ALX3: variants seen among roughly 807,000 people sequenced by gnomAD.
ALX3 encodes ALX homeobox 3.
ALX3 carries 17 observed loss-of-function variants against 26.3 expected under a neutral mutation model. The observed-to-expected ratio is 0.65, with a 90% CI of 0.44 to 0.97. ALX3 has a LOEUF of 0.97. Ranked by LOEUF, ALX3 falls within the 50% of genes least tolerant of loss-of-function variation. The pLI is 0.00. For missense variants in ALX3, 461 were observed against 466.5 expected (o/e 0.99, Z 0.11); for synonymous variants, 208 against 201.4 (o/e 1.03, Z -0.28).
chr1:110,061,161 T>C (rs1446548378), intron 3 of ALX3, 120 bp from the exon 4 acceptor site: 1 of 1,227,358 alleles, frequency 8.1e-7, no homozygotes, highest in African/African-American at 1.5e-5. Context: ...TCCACTTGGC[T>C]CAGATCTACC....
intron 1 of ALX3, 22 bp from the exon 2 acceptor site, chr1:110,064,925 G>A (rs1192730510): frequency 6.3e-7 from 1 of 1,583,110 alleles, no homozygotes; most frequent in Non-Finnish European, 8.6e-7. Flanking sequence ...AACACAAAAG[G>A]GAGGATGGCA....
intron 3 of ALX3, 25 bp from the exon 4 acceptor site, chr1:110,061,066 C>T (rs1300724924): frequency 6.3e-7 from 1 of 1,588,352 alleles, no homozygotes; most frequent in South Asian, 1.1e-5. Context: ...AAAGAAGGCC[C>T]ATGAGCCTGT....
At chr1:110,066,780 G>T (rs935358456) in intron 1 of ALX3, among the ~76,000 whole-genome samples, 3 of 152,144 alleles carry the variant, frequency 2.0e-5, no homozygotes, top group Non-Finnish European at 2.9e-5. Flanking sequence ...GCCCTCCAAA[G>T]CCCTGGGGCT....
intron 1 of ALX3, among the ~76,000 whole-genome samples, chr1:110,066,907 A>T (rs1653805067): frequency 6.6e-6 from 1 of 152,172 alleles, no homozygotes; most frequent in African/African-American, 2.4e-5. Flanking sequence ...CAAGGGATGA[A>T]AGTGCAGTAG....
chr1:110,070,509 G>C lies in ALX3; in HGVS notation c.104C>G (p.Ala35Gly). The C allele has an allele frequency of 7.8e-7, 1 of 1,282,532 alleles. No individual in the cohort carries two copies. Among genetic ancestry groups the C allele is most frequent in the East Asian group, 3.2e-5 (1 of 31,612 alleles). 79.4% of individuals were successfully genotyped at this position (1,282,532 alleles called of 1,614,324 possible). ...GGGCGGCGCGGGGTGCAGGTGAGGC[G>C]CAGCGGCGGGGGTTCCCTGCGGGCC... ...PPGPQGTPAA[A>G]PHLHPAPPRG... The change falls in exon 1 of 4, where the codon GCG (alanine) becomes GGG (glycine). Residue 35 changes from alanine (A) to glycine (G), a missense_variant. This residue lies in a region of ALX3 where 241 missense variants were observed against 206.1 expected (regional missense o/e 1.17). Transcript: ENST00000647563.
rs772440892 is a variant in ALX3 at position 110,060,937 on chromosome 1, G to A, written c.828C>T (p.His276=). 6.2e-7 allele frequency: 1 copy of A among 1,613,228 alleles called. No individual in the cohort carries two copies. Among genetic ancestry groups the A allele is most frequent in the Admixed American group, 1.7e-5 (1 of 59,950 alleles). ...TGAAGCCAGCCACACTCCCATGGGG[G>A]TGGGAATATGGAGACATGCATGGGG... is the stretch of plus-strand genomic sequence containing the variant. The part of the protein sequence containing the change: ...IPSPCMSPYS[H]PHGSVAGFMG... The change falls in exon 4 of 4, where the codon CAC becomes CAT. Residue 276 remains histidine, a synonymous_variant. Transcript: ENST00000647563.
intron 1 of ALX3, 116 bp downstream of exon 1, chr1:110,070,220 G>T: frequency 8.6e-7 from 1 of 1,166,838 alleles, no homozygotes; most frequent in Non-Finnish European, 1.1e-6. Flanking sequence ...GGCGAGAGGG[G>T]CAAAAAGTTG....
chr1:110,064,533 T>C, intron 2 of ALX3, 54 bp downstream of exon 2: 1 of 1,601,320 alleles, frequency 6.2e-7, no homozygotes, highest in Non-Finnish European at 8.5e-7. Flanking sequence ...GATCACTTTC[T>C]GGTCACTGTG....
At chr1:110,062,982 C>T (rs933792372) in intron 2 of ALX3, among the ~76,000 whole-genome samples, 1 of 152,186 alleles carries the variant, frequency 6.6e-6, no homozygotes, top group Non-Finnish European at 1.5e-5. Context: ...TCTGGACCTG[C>T]CCTCTGCATT....
intron 1 of ALX3, among the ~76,000 whole-genome samples, chr1:110,066,349 G>A (rs1200393160): frequency 1.3e-5 from 2 of 152,216 alleles, no homozygotes; most frequent in Non-Finnish European, 2.9e-5. Flanking sequence ...ACACAGGCCT[G>A]TACACAGGTA....
At position 110,069,021 on chromosome 1, in the gene ALX3, C is replaced by G. The variant is rs555287413; in HGVS notation, c.277+1315G>C. ...CGGGCCTGGGGGGGTGGCTCCTGCCCGACGCGGAGCGCTGAGCCAGGCCGG... is the reference window on the plus strand; with the variant it reads ...CGGGCCTGGGGGGGTGGCTCCTGCCGGACGCGGAGCGCTGAGCCAGGCCGG... On this transcript the variant is annotated intron_variant, in intron 1 of 3. Coordinates refer to ENST00000647563, the MANE Select transcript of ALX3 (RefSeq NM_006492.3). Among the ~76,000 whole-genome samples, 10 of 152,314 alleles carry G rather than the reference C, an allele frequency of 6.6e-5. No individual in the cohort carries two copies. The South Asian group carries it at 1.7e-3, about 25-fold the overall frequency.
chr1:110,064,548 A>T, intron 2 of ALX3, 39 bp downstream of exon 2: 1 of 1,609,682 alleles, frequency 6.2e-7, no homozygotes, highest in South Asian at 1.1e-5. Flanking sequence ...ACTGTGTGAT[A>T]GGGGCAGCCA....
intron 1 of ALX3, among the ~76,000 whole-genome samples, chr1:110,067,614 A>G (rs2101799024): frequency 6.6e-6 from 1 of 152,262 alleles, no homozygotes; most frequent in Middle Eastern, 3.4e-3. Flanking sequence ...CGAGTGCTCC[A>G]CTGTCCCCAC....
In ALX3 at chr1:110,059,966, G is replaced by T. The variant is rs1653588357; in HGVS notation, c.*767C>A. ...TTTTAAACAAAAAAAACACAAAAGTGTCTGTACAAAAATGGGGATCAGGAT... is the reference window on the plus strand; with the variant it reads ...TTTTAAACAAAAAAAACACAAAAGTTTCTGTACAAAAATGGGGATCAGGAT... On this transcript the variant is annotated 3_prime_UTR_variant, in exon 4 of 4. Coordinates refer to ENST00000647563, the MANE Select transcript of ALX3 (RefSeq NM_006492.3). The T allele has an allele frequency of 6.7e-6, 1 of 148,964 alleles. No homozygotes were observed. The highest frequency in any genetic ancestry group is 2.5e-5 in the African/African-American group (1 of 40,152). The allele number at this position is 148,964 out of a possible 1,614,324, so 9.2% of individuals were successfully genotyped here. A position where few individuals can be genotyped will look rare whatever the true frequency, so the allele number is the denominator to read the frequency against.
chr1:110,062,633 G>GCGCGCGCGCGCGCGCGC (rs1557802187), intron 2 of ALX3: 1 of 1,040 alleles, frequency 9.6e-4, no homozygotes, highest in Non-Finnish European at 1.2e-3. Flanking sequence ...GTGTGTGTGT[G>GCGCGCGCGCGCGCGCGC]TGTGTGTGTG....
chr1:110,060,756 CG>C lies in ALX3; in HGVS notation c.1008del (p.Gly337AlafsTer3). 6.6e-7 allele frequency: 1 copy of C among 1,504,944 alleles called. No homozygotes were observed. The highest frequency in any genetic ancestry group is 8.9e-7 in the Non-Finnish European group (1 of 1,125,268). 93.2% of individuals were successfully genotyped at this position (1,504,944 alleles called of 1,614,324 possible). On this transcript the variant is annotated frameshift_variant, in exon 4 of 4. Transcript: ENST00000647563. LOFTEE classifies it high-confidence loss of function. ...GATCACGTGGTCCAGTTCAGAAGGC[CG>C]GGTGGCTCCTTGGGCTTTACCCTGA... ...VSLRVKPKEP[P>X]GLLNWTT
chr1:110,069,489 C>T (rs1292021560), intron 1 of ALX3, among the ~76,000 whole-genome samples: 1 of 152,234 alleles, frequency 6.6e-6, no homozygotes, highest in Admixed American at 6.5e-5. Context: ...TGCCAGGCCC[C>T]TGCCTTCAGG....
At position 110,061,269 on chromosome 1, in the gene ALX3, C is replaced by T. The variant is rs369122509; in HGVS notation, c.723+166G>A. 3,461 of 1,200,754 alleles carry T rather than the reference C, an allele frequency of 2.9e-3. 101 individuals carry two copies. The South Asian group carries it at 0.049, about 17-fold the overall frequency. The allele number at this position is 1,200,754 out of a possible 1,614,324, so 74.4% of individuals were successfully genotyped here. ...CTGTGATTCCTTTGTGTTCCGCATGCGTCATTCATGAGACAGGCAAGAGCC... is the reference window on the plus strand; with the variant it reads ...CTGTGATTCCTTTGTGTTCCGCATGTGTCATTCATGAGACAGGCAAGAGCC... On this transcript the variant is annotated intron_variant, in intron 3 of 3. Coordinates refer to ENST00000647563, the MANE Select transcript of ALX3 (RefSeq NM_006492.3).
intron 1 of ALX3, among the ~76,000 whole-genome samples, chr1:110,069,836 G>T (rs1653876424): frequency 6.6e-6 from 1 of 152,142 alleles, no homozygotes; most frequent in Admixed American, 6.5e-5. Flanking sequence ...GCCAAGACCA[G>T]GCCGCAGTCC....
Sources: gnomAD v4.1 joint callset for allele counts (sites outside exome capture counted in the v4.1 genomes callset) on GRCh38, gnomAD v4.1.1 for gene constraint, gnomAD v4.1.1 regional missense constraint, MANE v1.5 for transcripts, NCBI Gene and HGNC (gene_info 2026-07-23, HGNC 2026-07-21) for gene names.